NFATC1: variants seen among roughly 807,000 people sequenced by gnomAD.
NFATC1 encodes the protein nuclear factor of activated T-cells, cytoplasmic 1.
In NFATC1, 22 loss-of-function variants were observed where a neutral mutation model predicts 76.0. The ratio of observed to expected loss-of-function variants is 0.29; its 90% CI spans 0.21 to 0.41. The LOEUF (loss-of-function observed/expected upper bound fraction) is 0.41, where lower values mean the gene tolerates loss of function less well. NFATC1 is among the 10% of genes least tolerant of loss of function. NFATC1 has a pLI of 1.00. For synonymous variants in NFATC1, 704 were observed against 613.1 expected (o/e 1.15, Z -2.19); for missense variants, 1,357 against 1,337.7 (o/e 1.01, Z -0.23).
At chr18:79,477,222 A>G (rs1405047706) in intron 8 of NFATC1, among the ~76,000 whole-genome samples, 2 of 152,218 alleles carry the variant, frequency 1.3e-5, no homozygotes, top group African/African-American at 4.8e-5. Flanking sequence ...CAAAACTTGG[A>G]CTTTCTTGTC....
intron 1 of NFATC1, among the ~76,000 whole-genome samples, chr18:79,403,456 C>A (rs761995513): frequency 6.6e-6 from 1 of 152,234 alleles, no homozygotes; most frequent in Non-Finnish European, 1.5e-5. Context: ...GAGGAGGTCC[C>A]GCTCCCTTCT....
intron 8 of NFATC1, among the ~76,000 whole-genome samples, chr18:79,482,943 G>T (rs1265235704): frequency 6.9e-6 from 1 of 144,926 alleles, no homozygotes; most frequent in Non-Finnish European, 1.5e-5. Flanking sequence ...CTCGTTCCTG[G>T]GGTGTAATTC....
chr18:79,473,858 C>T (rs561705695), intron 8 of NFATC1, among the ~76,000 whole-genome samples: 12 of 147,566 alleles, frequency 8.1e-5, no homozygotes, highest in Non-Finnish European at 1.2e-4. Flanking sequence ...TCACTGTCAA[C>T]GTTGTAAACC....
chr18:79,479,377 C>T (rs759460446), intron 8 of NFATC1, among the ~76,000 whole-genome samples: 5 of 151,724 alleles, frequency 3.3e-5, no homozygotes, highest in Non-Finnish European at 5.9e-5. Context: ...CTGTGCGGCC[C>T]CCCTCCACGG....
intron 9 of NFATC1, among the ~76,000 whole-genome samples, chr18:79,521,779 G>A (rs1317805640): frequency 1.1e-4 from 3 of 27,472 alleles, no homozygotes; most frequent in Non-Finnish European, 1.9e-4. Context: ...TGTGTGGGGA[G>A]CATCCACTGA....
At position 79,508,656 on chromosome 18, in the gene NFATC1, AGTCTGTCTCT is replaced by A. The variant is rs1403912840; in HGVS notation, c.2783-18871_2783-18862del. ...CTGTCTCTCGGTCTGTCTCTTTCTCAGTCTGTCTCTCTGTCTCCCTTCCTCCCTGTCTCTG... is the reference window on the plus strand; with the variant it reads ...CTGTCTCTCGGTCTGTCTCTTTCTCACTGTCTCCCTTCCTCCCTGTCTCTG... On this transcript the variant is annotated intron_variant, in intron 9 of 9. Coordinates refer to ENST00000427363, the MANE Select transcript of NFATC1 (RefSeq NM_001278669.2). Among the ~76,000 whole-genome samples the A allele has an allele frequency of 2.0e-5, 3 of 150,472 alleles. No homozygotes were observed. The East Asian group carries it at 5.9e-4, about 29-fold the overall frequency.
intron 8 of NFATC1, chr18:79,469,126 C>G (rs1177109035): frequency 4.5e-6 from 1 of 224,254 alleles, no homozygotes; most frequent in Non-Finnish European, 7.5e-6. Context: ...TTAGTGAGTC[C>G]AGCCCATTCT....
intron 6 of NFATC1, 63 bp downstream of exon 6, chr18:79,451,879 A>G: frequency 1.3e-6 from 2 of 1,552,008 alleles, no homozygotes; most frequent in Non-Finnish European, 1.7e-6. Context: ...ACCGGTTCCC[A>G]GTCGGTGGAG....
intron 7 of NFATC1, among the ~76,000 whole-genome samples, chr18:79,466,484 T>C (rs2088499945): frequency 6.6e-6 from 1 of 151,880 alleles, no homozygotes; most frequent in Non-Finnish European, 1.5e-5. Flanking sequence ...GCGGTTGGGG[T>C]CTCCGTGTCC....
At chr18:79,461,446 TC>T in intron 7 of NFATC1, 80 bp downstream of exon 7, 2 of 1,459,492 alleles carry the variant, frequency 1.4e-6, no homozygotes, top group Non-Finnish European at 1.9e-6. Context: ...CCACTGCGGG[TC>T]CCCAGGCCTT....
At chr18:79,487,119 TG>T (rs2089527814) in intron 9 of NFATC1, among the ~76,000 whole-genome samples, 182 bp downstream of exon 9, 1 of 151,952 alleles carries the variant, frequency 6.6e-6, no homozygotes, top group Non-Finnish European at 1.5e-5. Flanking sequence ...CAGCGCCACC[TG>T]GGGCGCTCGC....
At chr18:79,441,484 A>G (rs555595097) in intron 3 of NFATC1, among the ~76,000 whole-genome samples, 4 of 151,982 alleles carry the variant, frequency 2.6e-5, no homozygotes, top group Non-Finnish European at 4.4e-5. Context: ...CAGGATGAAC[A>G]GGGGCTGCTT....
At chr18:79,400,125 TCG>T (rs1455055625) in intron 1 of NFATC1, 393 of 878,376 alleles carry the variant, frequency 4.5e-4, no homozygotes, top group East Asian at 8.6e-4. Context: ...ACCCCTGCGG[TCG>T]CGCGCGCGCG....
At chr18:79,500,057 T>C (rs936751170) in intron 9 of NFATC1, among the ~76,000 whole-genome samples, 1 of 152,112 alleles carries the variant, frequency 6.6e-6, no homozygotes, top group Admixed American at 6.5e-5. Context: ...TCTTAATGGA[T>C]AGAACAACTA....
At chr18:79,463,215 C>CA (rs1396436984) in intron 7 of NFATC1, among the ~76,000 whole-genome samples, 1 of 152,190 alleles carries the variant, frequency 6.6e-6, no homozygotes, top group Non-Finnish European at 1.5e-5. Flanking sequence ...TCCTGGCACT[C>CA]ACAGGGTTCC....
chr18:79,475,958 A>G (rs2089049873), intron 8 of NFATC1, among the ~76,000 whole-genome samples: 1 of 152,204 alleles, frequency 6.6e-6, no homozygotes, highest in Admixed American at 6.5e-5. Flanking sequence ...TCTGTGAAAG[A>G]GCCACAGGGC....
intron 9 of NFATC1, chr18:79,493,557 G>C (rs914998515): frequency 5.3e-5 from 8 of 152,266 alleles, no homozygotes; most frequent in Non-Finnish European, 1.2e-4. Context: ...AGGTAGACGA[G>C]GCGGCCGGAG....
chr18:79,448,768 T>C lies in NFATC1; in HGVS notation c.1387-14T>C. ...CTCTGGGTGCTGAGCAGGTGTTTTC[T>C]GTTCTCTCGCCAGCTGCATGGCTAC... On this transcript the variant is annotated splice_polypyrimidine_tract_variant and intron_variant, in intron 3 of 9. Transcript: ENST00000427363. 1 of 1,611,070 alleles carries C rather than the reference T, an allele frequency of 6.2e-7. No individual in the cohort carries two copies. Among genetic ancestry groups the C allele is most frequent in the Non-Finnish European group, 8.5e-7 (1 of 1,178,410 alleles).
intron 2 of NFATC1, among the ~76,000 whole-genome samples, chr18:79,424,967 G>GTCTCTGTC (rs1366761626): frequency 8.6e-6 from 1 of 116,132 alleles, no homozygotes; most frequent in Non-Finnish European, 1.7e-5. Flanking sequence ...CTGTCTCTCC[G>GTCTCTGTC]TCTCTGTCTC....
Sources: allele counts gnomAD v4.1 joint callset (sites outside exome capture counted in the v4.1 genomes callset), GRCh38; gene constraint gnomAD v4.1.1; transcripts MANE v1.5; gene names NCBI Gene and HGNC (gene_info 2026-07-23, HGNC 2026-07-21).